The following TTC28 variants were observed in gnomAD, a reference collection of about 807,000 sequenced individuals.
TTC28 encodes the protein tetratricopeptide repeat protein 28.
Under a neutral mutation model 198.0 loss-of-function variants are expected in TTC28, and 61 were observed. That is an observed-to-expected ratio of 0.31 (90% CI 0.25 to 0.38). TTC28 has a LOEUF of 0.38. TTC28 is among the 10% of genes least tolerant of loss of function. The pLI is 1.00. For missense variants in TTC28, 2,678 were observed against 3,164.0 expected (o/e 0.85, Z 3.69); for synonymous variants, 1,171 against 1,297.8 (o/e 0.90, Z 2.10).
chr22:28,673,583 A>C (rs1343636308), intron 1 of TTC28, among the ~76,000 whole-genome samples: 1 of 152,230 alleles, frequency 6.6e-6, no homozygotes. Flanking sequence ...TTGCATAAAG[A>C]GTATCACTTT....
chr22:28,642,703 C>G (rs1010096957), intron 1 of TTC28, among the ~76,000 whole-genome samples: 7 of 152,114 alleles, frequency 4.6e-5, no homozygotes, highest in Admixed American at 3.9e-4. Context: ...GTTTCAGAAA[C>G]AGCAAAGAGG....
At chr22:28,406,927 T>C (rs553315621) in intron 2 of TTC28, among the ~76,000 whole-genome samples, 3 of 152,356 alleles carry the variant, frequency 2.0e-5, no homozygotes, top group East Asian at 3.9e-4. Flanking sequence ...AAAACTTTAC[T>C]GGACCAATTT....
At chr22:28,480,703 A>C (rs1200439711) in intron 2 of TTC28, among the ~76,000 whole-genome samples, 1 of 152,162 alleles carries the variant, frequency 6.6e-6, no homozygotes, top group African/African-American at 2.4e-5. Flanking sequence ...ATTCTTTCTA[A>C]GACTGTTTCC....
intron 2 of TTC28, among the ~76,000 whole-genome samples, chr22:28,522,770 CA>C (rs1191919354): frequency 1.3e-5 from 2 of 151,904 alleles, no homozygotes; most frequent in Non-Finnish European, 1.5e-5. Context: ...AAACCAGGTA[CA>C]AAAGCCCAGA....
At chr22:28,006,764 T>C (rs1053074579) in intron 14 of TTC28, 1 of 152,216 alleles carries the variant, frequency 6.6e-6, no homozygotes, top group Non-Finnish European at 1.5e-5. Flanking sequence ...TCTGATTGGA[T>C]TGCCGTTTCG....
intron 2 of TTC28, among the ~76,000 whole-genome samples, chr22:28,375,989 G>C (rs1383029781): frequency 6.6e-6 from 1 of 152,136 alleles, no homozygotes; most frequent in Non-Finnish European, 1.5e-5. Flanking sequence ...TGGCTGCCCT[G>C]GTTCTAAGGC....
At chr22:28,058,864 C>G (rs1940399039) in intron 12 of TTC28, among the ~76,000 whole-genome samples, 1 of 151,770 alleles carries the variant, frequency 6.6e-6, no homozygotes, top group South Asian at 2.1e-4. Context: ...TTCATTTCAT[C>G]TTAGTTGTCA....
chr22:28,248,495 T>C (rs1237034260), intron 5 of TTC28, among the ~76,000 whole-genome samples: 1 of 152,302 alleles, frequency 6.6e-6, no homozygotes, highest in East Asian at 1.9e-4. Flanking sequence ...AGATAACCAA[T>C]ATGCACCCTA....
chr22:28,151,687 G>A (rs1282188662), intron 6 of TTC28, among the ~76,000 whole-genome samples: 1 of 152,120 alleles, frequency 6.6e-6, no homozygotes, highest in Non-Finnish European at 1.5e-5. Flanking sequence ...TCTGGTGCTT[G>A]GTCAGAAAAA....
At chr22:28,649,147 G>A (rs2051527119) in intron 1 of TTC28, among the ~76,000 whole-genome samples, 1 of 152,082 alleles carries the variant, frequency 6.6e-6, no homozygotes, top group South Asian at 2.1e-4. Context: ...CTTATAAATG[G>A]GAGCTAAGCT....
chr22:28,048,054 G>A (rs1939936977), intron 12 of TTC28, among the ~76,000 whole-genome samples: 1 of 151,874 alleles, frequency 6.6e-6, no homozygotes, highest in African/African-American at 2.4e-5. Flanking sequence ...GGACTCTGGG[G>A]CACGTAGCCA....
At chr22:28,052,023 G>A (rs1377000559) in intron 12 of TTC28, among the ~76,000 whole-genome samples, 1 of 152,140 alleles carries the variant, frequency 6.6e-6, no homozygotes, top group African/African-American at 2.4e-5. Context: ...AAGAGCCAAG[G>A]GGGTCCCTTG....
At chr22:28,239,887 T>C (rs954679716) in intron 5 of TTC28, among the ~76,000 whole-genome samples, 2 of 152,210 alleles carry the variant, frequency 1.3e-5, no homozygotes, top group Admixed American at 1.3e-4. Flanking sequence ...TTCTTTAGAC[T>C]TACCTCTCAT....
intron 5 of TTC28, among the ~76,000 whole-genome samples, chr22:28,182,341 T>C (rs1468458600): frequency 1.3e-5 from 2 of 152,252 alleles, no homozygotes; most frequent in East Asian, 3.9e-4. Context: ...CATTATTCTG[T>C]AGGGGGTTGG....
intron 2 of TTC28, among the ~76,000 whole-genome samples, chr22:28,464,287 A>C (rs2047989467): frequency 6.6e-6 from 1 of 152,352 alleles, no homozygotes; most frequent in East Asian, 1.9e-4. Flanking sequence ...TGGAGTTTTA[A>C]ATTTAACCAG....
rs1937032922 is a variant in TTC28 at position 27,981,853 on chromosome 22, A to C, written c.*368T>G. The C allele has an allele frequency of 4.9e-6, 1 of 203,498 alleles. No homozygotes were observed. The highest frequency in any genetic ancestry group is 9.8e-6 in the Non-Finnish European group (1 of 102,538). The allele number at this position is 203,498 out of a possible 1,614,324, so 12.6% of individuals were successfully genotyped here. A position where few individuals can be genotyped will look rare whatever the true frequency, so the allele number is the denominator to read the frequency against. On this transcript the variant is annotated 3_prime_UTR_variant, in exon 23 of 23. Transcript: ENST00000397906. ...GGTACTGCATATATACCTCTTAGCA[A>C]AATATGTGCTCCCTTTCCTCTCCCC...
intron 2 of TTC28, among the ~76,000 whole-genome samples, chr22:28,475,245 G>A (rs2048148291): frequency 6.6e-6 from 1 of 151,810 alleles, no homozygotes; most frequent in Non-Finnish European, 1.5e-5. Flanking sequence ...TCCAGTTCAG[G>A]GCTGCGGGTG....
At chr22:28,663,304 C>T (rs942044620) in intron 1 of TTC28, among the ~76,000 whole-genome samples, 17 of 151,310 alleles carry the variant, frequency 1.1e-4, no homozygotes, top group Admixed American at 1.1e-3. Context: ...CCAAGATGGC[C>T]GAATAGGAAC....
At chr22:28,167,518 T>C (rs1259117069) in intron 5 of TTC28, among the ~76,000 whole-genome samples, 1 of 152,190 alleles carries the variant, frequency 6.6e-6, no homozygotes, top group Non-Finnish European at 1.5e-5. Context: ...TGGTTCAACA[T>C]ACACAAATCA....
Sources: allele counts gnomAD v4.1 joint callset (sites outside exome capture counted in the v4.1 genomes callset), GRCh38; gene constraint gnomAD v4.1.1; transcripts MANE v1.5; gene names NCBI Gene and HGNC (gene_info 2026-07-23, HGNC 2026-07-21).